GPR176: variants seen among roughly 807,000 people sequenced by gnomAD.
The protein encoded by GPR176 is G-protein coupled receptor 176.
GPR176 carries 26 observed loss-of-function variants against 35.4 expected under a neutral mutation model. The observed-to-expected ratio is 0.74, with a 90% CI of 0.54 to 1.02. The LOEUF (loss-of-function observed/expected upper bound fraction) is 1.02. Ranked by LOEUF, GPR176 falls within the 50% of genes least tolerant of loss-of-function variation. GPR176 has a pLI of 0.00. For synonymous variants in GPR176, 278 were observed against 271.3 expected (o/e 1.02, Z -0.24); for missense variants, 597 against 665.3 (o/e 0.90, Z 1.13).
At position 39,891,141 on chromosome 15, in the gene GPR176, A is replaced by T. The variant is rs951567614; in HGVS notation, c.172+28714T>A. Among the ~76,000 whole-genome samples the T allele has an allele frequency of 1.2e-4, 18 of 152,344 alleles. No individual in the cohort carries two copies. The East Asian group carries it at 2.9e-3, about 24-fold the overall frequency. Reference sequence around the variant, plus strand: ...CCACTGATAAGAAATTATCTTTCAGACACTGAGCTCAGTATTGACAATAAA... The same window carrying T: ...CCACTGATAAGAAATTATCTTTCAGTCACTGAGCTCAGTATTGACAATAAA... On this transcript the variant is annotated intron_variant, in intron 1 of 2. Coordinates refer to ENST00000561100, the MANE Select transcript of GPR176 (RefSeq NM_007223.3).
intron 1 of GPR176, among the ~76,000 whole-genome samples, chr15:39,843,739 T>C (rs1346335212): frequency 6.6e-6 from 1 of 152,162 alleles, no homozygotes; most frequent in Non-Finnish European, 1.5e-5. Flanking sequence ...CAGGTGCACT[T>C]AACAGAGAAA....
intron 1 of GPR176, chr15:39,829,204 C>T: frequency 6.5e-7 from 1 of 1,526,928 alleles, no homozygotes; most frequent in Non-Finnish European, 8.8e-7. Context: ...CCTCACAACG[C>T]AACCCCCAAC....
Position 39,807,582 on chromosome 15 carries a change from T to G in GPR176, c.173-324A>C, listed in dbSNP as rs1899280689. On this transcript the variant is annotated intron_variant, in intron 1 of 2. Transcript: ENST00000561100. ...CTAGTTATTACTTAATCCCAGGCAG[T>G]CTGCTCTTATCAAGTTTTCTAGTGA... 2.0e-6 allele frequency: 3 copies of G among 1,494,262 alleles called. No individual in the cohort carries two copies. The East Asian group carries it at 7.4e-5, about 37-fold the overall frequency. The allele number at this position is 1,494,262 out of a possible 1,614,324, so 92.6% of individuals were successfully genotyped here.
chr15:39,815,857 T>C (rs1899864743), intron 1 of GPR176, among the ~76,000 whole-genome samples: 2 of 152,222 alleles, frequency 1.3e-5, no homozygotes. Flanking sequence ...CCCATGTCCA[T>C]TGCAGCATTA....
At chr15:39,859,830 T>A (rs2031480027) in intron 1 of GPR176, among the ~76,000 whole-genome samples, 3 of 152,206 alleles carry the variant, frequency 2.0e-5, no homozygotes, top group Admixed American at 1.3e-4. Context: ...AGGGGAGTTG[T>A]TTAATGGGTG....
chr15:39,803,210 T>C (rs754921973), intron 2 of GPR176, among the ~76,000 whole-genome samples: 61 of 151,950 alleles, frequency 4.0e-4, no homozygotes, highest in Non-Finnish European at 7.8e-4. Context: ...CTTACAACCT[T>C]AGTGACACCC....
intron 1 of GPR176, among the ~76,000 whole-genome samples, chr15:39,845,394 A>C (rs530045313): frequency 9.2e-5 from 14 of 151,954 alleles, no homozygotes; most frequent in Non-Finnish European, 1.9e-4. Context: ...AGGAAAACTA[A>C]GGAGTTAACA....
intron 1 of GPR176, among the ~76,000 whole-genome samples, chr15:39,870,883 A>G (rs2032018171): frequency 6.6e-6 from 1 of 152,154 alleles, no homozygotes; most frequent in Non-Finnish European, 1.5e-5. Context: ...ACCCCATCCT[A>G]GAATTGCAAG....
At chr15:39,895,338 C>T (rs1299375525) in intron 1 of GPR176, among the ~76,000 whole-genome samples, 2 of 151,672 alleles carry the variant, frequency 1.3e-5, no homozygotes, top group Non-Finnish European at 2.9e-5. Context: ...CTTGCTTCTC[C>T]CACCAGCCAA....
intron 1 of GPR176, among the ~76,000 whole-genome samples, chr15:39,833,895 A>G (rs1901244110): frequency 6.6e-6 from 1 of 152,122 alleles, no homozygotes; most frequent in Non-Finnish European, 1.5e-5. Flanking sequence ...GCACTAGAGG[A>G]AGCCGACATT....
chr15:39,894,959 G>C (rs1056891574), intron 1 of GPR176, among the ~76,000 whole-genome samples: 2 of 152,128 alleles, frequency 1.3e-5, no homozygotes, highest in Non-Finnish European at 2.9e-5. Context: ...CTGAGTGAAC[G>C]AGACTCCGTC....
intron 1 of GPR176, among the ~76,000 whole-genome samples, chr15:39,860,427 C>G (rs1009483823): frequency 1.3e-5 from 2 of 152,238 alleles, no homozygotes; most frequent in Admixed American, 6.5e-5. Context: ...GCAAGGCTGA[C>G]TGCTTTCAGT....
chr15:39,831,037 G>C (rs889291205), intron 1 of GPR176, among the ~76,000 whole-genome samples: 12 of 152,178 alleles, frequency 7.9e-5, no homozygotes, highest in Non-Finnish European at 4.4e-5. Context: ...AGCTAATTTA[G>C]AGTCATTAAA....
chr15:39,825,656 T>C (rs1900590190), intron 1 of GPR176, among the ~76,000 whole-genome samples: 1 of 152,318 alleles, frequency 6.6e-6, no homozygotes, highest in South Asian at 2.1e-4. Flanking sequence ...AAATTGTATA[T>C]AAATATGCTT....
chr15:39,894,107 C>A (rs1411670348), intron 1 of GPR176, among the ~76,000 whole-genome samples: 1 of 86,434 alleles, frequency 1.2e-5, no homozygotes, highest in African/African-American at 4.6e-5. Flanking sequence ...ACCTCCCTCC[C>A]GGACGGGGCG....
intron 1 of GPR176, among the ~76,000 whole-genome samples, chr15:39,913,134 G>A (rs2033623612): frequency 6.6e-6 from 1 of 152,112 alleles, no homozygotes; most frequent in South Asian, 2.1e-4. Flanking sequence ...AAAAAATAAA[G>A]TGCTAATATA....
chr15:39,843,841 T>C (rs144428234), intron 1 of GPR176, among the ~76,000 whole-genome samples: 51 of 152,256 alleles, frequency 3.3e-4, no homozygotes, highest in Non-Finnish European at 4.3e-4. Context: ...TTCTTTTCTA[T>C]GTGATTTTGA....
intron 1 of GPR176, among the ~76,000 whole-genome samples, chr15:39,883,763 A>G (rs4924398): frequency 0.27 from 40,381 of 151,956 alleles, 5,963 homozygotes; most frequent in Non-Finnish European, 0.34. Flanking sequence ...CCATGTAATT[A>G]TTTTCCTTTC....
chr15:39,877,544 CTTCTTCT>C (rs1483249276), intron 1 of GPR176, among the ~76,000 whole-genome samples: 760 of 51,868 alleles, frequency 0.015, 3 homozygotes, highest in African/African-American at 0.056. Context: ...TCTTCTTCTT[CTTCTTCT>C]TTTTTTTTTT....
Sources: allele counts gnomAD v4.1 joint callset (sites outside exome capture counted in the v4.1 genomes callset), GRCh38; gene constraint gnomAD v4.1.1; transcripts MANE v1.5; gene names NCBI Gene and HGNC (gene_info 2026-07-23, HGNC 2026-07-21).